Variants in TXLNA observed in about 807,000 individuals in gnomAD.
The protein encoded by TXLNA is alpha-taxilin.
TXLNA carries 9 observed loss-of-function variants against 61.4 expected under a neutral mutation model. The observed-to-expected ratio is 0.15, with a 90% CI of 0.09 to 0.26. The LOEUF is 0.26. Ranked by LOEUF, TXLNA falls within the 10% of genes least tolerant of loss-of-function variation. The pLI is 1.00. For missense variants in TXLNA, 565 were observed against 688.8 expected, an observed-to-expected ratio of 0.82 and a Z score of 2.01; for synonymous variants, 257 against 267.7, an observed-to-expected ratio of 0.96 and a Z score of 0.39.
chr1:32,195,183 C>T lies in TXLNA; in HGVS notation c.1629C>T (p.Ser543=), dbSNP rs759579970. ...AGACTGGGCCTCAAGAGCCCACCTC[C>T]GCCAGGGCCTAGAGAGCCTGGTGTT... The part of the protein sequence containing the change: ...SGQTGPQEPT[S]ARA The change falls in exon 11 of 11, where the codon TCC becomes TCT. Residue 543 remains serine (S), a synonymous_variant. Coordinates refer to ENST00000373610, the MANE Select transcript of TXLNA (RefSeq NM_175852.4). 59 of 1,599,054 alleles carry T rather than the reference C, an allele frequency of 3.7e-5. No individual in the cohort carries two copies. Among genetic ancestry groups the T allele is most frequent in the East Asian group, 8.9e-5 (4 of 44,790 alleles).
At chr1:32,188,747 G>A (rs1642842712) in intron 5 of TXLNA, among the ~76,000 whole-genome samples, 4 of 152,164 alleles carry the variant, frequency 2.6e-5, no homozygotes, top group Admixed American at 2.6e-4. Flanking sequence ...ATTAGATAAG[G>A]TGAAGGATAA....
At chr1:32,183,603 ATTT>A (rs1410923272) in intron 3 of TXLNA, among the ~76,000 whole-genome samples, 1 of 108,610 alleles carries the variant, frequency 9.2e-6, no homozygotes, top group South Asian at 2.9e-4. Context: ...ATTTTTTTGT[ATTT>A]TTTTTAGTAG....
Position 32,192,456 on chromosome 1 carries a change from G to GT in TXLNA, c.1083+27dup, listed in dbSNP as rs1642927963. 112 of 1,529,366 alleles carry GT rather than the reference G, an allele frequency of 7.3e-5. No homozygotes were observed. The highest frequency in any genetic ancestry group is 5.6e-4 in the Admixed American group (29 of 51,826). The allele number at this position is 1,529,366 out of a possible 1,614,324, so 94.7% of individuals were successfully genotyped here. A position where few individuals can be genotyped will look rare whatever the true frequency, so the allele number is the denominator to read the frequency against. On this transcript the variant is annotated intron_variant, in intron 7 of 10. Transcript: ENST00000373610. This position sits in a 1 kb window ranked among gnomAD's most constrained non-coding sequence, Gnocchi z 4.2. ...GTGAGGCTCAGGCCCCAGGGTTGGG[G>GT]TGGGGGTGGGAGGAGACAGGCTGGG...
In TXLNA at chr1:32,184,517, C is replaced by A; in HGVS notation, c.506-8C>A. On this transcript the variant is annotated splice_polypyrimidine_tract_variant and splice_region_variant and intron_variant, in intron 3 of 10. Transcript: ENST00000373610. ...GAGGGTGCATGTCTTTGCTCCTGTG[C>A]TTTTCAGGGAAGGAGATCACGTTGC... 6.2e-7 allele frequency: 1 copy of A among 1,607,090 alleles called. No homozygotes were observed.
rs774428080 is a variant in TXLNA, at chr1:32,192,634, C to T, written c.1084-23C>T. 2 of 1,613,902 alleles carry T rather than the reference C, an allele frequency of 1.2e-6. No individual in the cohort carries two copies. Among genetic ancestry groups the T allele is most frequent in the East Asian group, 4.5e-5 (2 of 44,896 alleles). ...AGCCCCTGGGGGCTTCTGACAGGAT[C>T]TGGGGTTCTGTCTTGGAAATAGCTC... On this transcript the variant is annotated intron_variant, in intron 7 of 10. Transcript: ENST00000373610. The surrounding 1 kb of genome is among the most constrained non-coding windows in gnomAD (Gnocchi z 4.2).
In TXLNA at chr1:32,180,295, ACT is replaced by A; in HGVS notation, c.-32-18_-32-17del. ...GAATTTCGAAGTCTGGAAAATAGCA[ACT>A]GTGTTTGTTTCTAAAGGATCTTCTC... is the stretch of plus-strand genomic sequence containing the variant. On this transcript the variant is annotated splice_polypyrimidine_tract_variant and intron_variant, in intron 1 of 10. Coordinates refer to ENST00000373610, the MANE Select transcript of TXLNA (RefSeq NM_175852.4). The A allele has an allele frequency of 6.5e-7, 1 of 1,542,228 alleles. No individual in the cohort carries two copies. Among genetic ancestry groups the A allele is most frequent in the East Asian group, 2.3e-5 (1 of 43,706 alleles).
rs1355185832 is a variant in TXLNA at position 32,180,429 on chromosome 1, G to A, written c.84G>A (p.Glu28=). The change falls in exon 2 of 11, where the codon GAG becomes GAA. Residue 28 remains glutamate, a synonymous_variant. Transcript: ENST00000373610. ...CAGGACAACCGGAAGCAGGACCCGA[G>A]GGAGCCCAGGAGCGGCCCAGCCAGG... ...SSPGQPEAGP[E]GAQERPSQAA... 1 of 1,613,942 alleles carries A rather than the reference G, an allele frequency of 6.2e-7. No homozygotes were observed. The highest frequency in any genetic ancestry group is 8.5e-7 in the Non-Finnish European group (1 of 1,179,918).
chr1:32,185,740 C>T (rs1642775573), intron 4 of TXLNA, among the ~76,000 whole-genome samples: 1 of 149,840 alleles, frequency 6.7e-6, no homozygotes, highest in Non-Finnish European at 1.5e-5. Flanking sequence ...CGCTCTGTCA[C>T]CAGGCTGGAG....
At chr1:32,191,000 A>G (rs1642893682) in intron 6 of TXLNA, among the ~76,000 whole-genome samples, 1 of 151,370 alleles carries the variant, frequency 6.6e-6, no homozygotes. Flanking sequence ...AGGCTGAGGC[A>G]GGAGAATTGC....
chr1:32,192,769 C>T lies in TXLNA; in HGVS notation c.1158+38C>T. 9 of 1,606,024 alleles carry T rather than the reference C, an allele frequency of 5.6e-6. No individual in the cohort carries two copies. The highest frequency in any genetic ancestry group is 7.7e-6 in the Non-Finnish European group (9 of 1,172,706). On this transcript the variant is annotated intron_variant, in intron 8 of 10. Coordinates refer to ENST00000373610, the MANE Select transcript of TXLNA (RefSeq NM_175852.4). The surrounding 1 kb of genome is among the most constrained non-coding windows in gnomAD (Gnocchi z 4.2). ...AACCTGACCCTGTGCCTTCAAGTTT[C>T]CCTCACTGGGCCCCATCCTGGGGGT...
At position 32,192,020 on chromosome 1, in the gene TXLNA, A is replaced by G. The variant is rs999977910; in HGVS notation, c.964-291A>G. Among the ~76,000 whole-genome samples, 1 of 152,270 alleles carries G rather than the reference A, an allele frequency of 6.6e-6. No homozygotes were observed. Among genetic ancestry groups the G allele is most frequent in the Non-Finnish European group, 1.5e-5 (1 of 68,050 alleles). On this transcript the variant is annotated intron_variant, in intron 6 of 10. Coordinates refer to ENST00000373610, the MANE Select transcript of TXLNA (RefSeq NM_175852.4). This position sits in a 1 kb window ranked among gnomAD's most constrained non-coding sequence, Gnocchi z 4.2. ...GTGAGGGCTTCCAGCCCCATAGGTG[A>G]TCAATCCTGGGGTCAGAGATTTGAG...
At position 32,183,507 on chromosome 1, in the gene TXLNA, A is replaced by G. The variant is rs1383958638; in HGVS notation, c.506-1018A>G. On this transcript the variant is annotated intron_variant, in intron 3 of 10. Coordinates refer to ENST00000373610, the MANE Select transcript of TXLNA (RefSeq NM_175852.4). ...AGTGGCGCGATCTCGGCTCACTGCA[A>G]GCTCCACCTCCTGGGTTCACGCCAT... 2.3e-5 allele frequency among the ~76,000 whole-genome samples: 3 copies of G among 132,938 alleles called. No homozygotes were observed. In the South Asian group the frequency reaches 7.2e-4, roughly 32 times the overall value. 87.2% of individuals were successfully genotyped at this position (132,938 alleles called of 152,430 possible). A position where few individuals can be genotyped will look rare whatever the true frequency, so the allele number is the denominator to read the frequency against.
At position 32,187,187 on chromosome 1, in the gene TXLNA, C is replaced by T. The variant is rs563826970; in HGVS notation, c.598-767C>T. Among the ~76,000 whole-genome samples the T allele has an allele frequency of 8.3e-4, 127 of 152,326 alleles. 2 individuals carry two copies. In the South Asian group the frequency reaches 0.026, roughly 31 times the overall value. ...AAAGTGCTGGGATTACAGGCATGAG[C>T]CACCACTCCCGGCCTCACTTTTTTA... On this transcript the variant is annotated intron_variant, in intron 4 of 10. Transcript: ENST00000373610.
At chr1:32,194,816 C>T in intron 10 of TXLNA, 86 bp from the exon 11 acceptor site, 1 of 1,482,250 alleles carries the variant, frequency 6.7e-7, no homozygotes, top group African/African-American at 1.4e-5. Context: ...CTGCTCTCAG[C>T]CTTGTTAAAG....
Position 32,192,716 on chromosome 1 carries a change from C to T in TXLNA, c.1143C>T (p.Thr381=). The T allele has an allele frequency of 6.2e-7, 1 of 1,614,158 alleles. No individual in the cohort carries two copies. ...RMCELMKQQE[T]HLKQQLALYT... ...GTGAGCTGATGAAGCAGCAAGAGAC[C>T]CACCTGAAGCAACAGGTGAGAGCAT... Residue 381 remains threonine, a synonymous_variant, in exon 8 of 11, where the codon ACC becomes ACT. Coordinates refer to ENST00000373610, the MANE Select transcript of TXLNA (RefSeq NM_175852.4). The surrounding 1 kb of genome is among the most constrained non-coding windows in gnomAD (Gnocchi z 4.2).
chr1:32,184,431 G>A, intron 3 of TXLNA, 94 bp from the exon 4 acceptor site: 1 of 786,410 alleles, frequency 1.3e-6, no homozygotes, highest in South Asian at 1.6e-5. Context: ...AAGTATGATG[G>A]GGAGGGCTGT....
Position 32,192,741 on chromosome 1 carries a change from T to C in TXLNA, c.1158+10T>C, listed in dbSNP as rs367711974. 2.5e-6 allele frequency: 4 copies of C among 1,613,956 alleles called. No homozygotes were observed. In the African/African-American group the frequency reaches 4.0e-5, roughly 16 times the overall value. On this transcript the variant is annotated intron_variant, in intron 8 of 10. Transcript: ENST00000373610. The surrounding 1 kb of genome is among the most constrained non-coding windows in gnomAD (Gnocchi z 4.2). ...CCACCTGAAGCAACAGGTGAGAGCATATAACCTGACCCTGTGCCTTCAAGT... is the reference window on the plus strand; with the variant it reads ...CCACCTGAAGCAACAGGTGAGAGCACATAACCTGACCCTGTGCCTTCAAGT...
intron 9 of TXLNA, among the ~76,000 whole-genome samples, chr1:32,193,747 G>T (rs558904649): frequency 6.6e-6 from 1 of 151,760 alleles, no homozygotes; most frequent in Non-Finnish European, 1.5e-5. Flanking sequence ...AGTAGAGACG[G>T]GGTTTCACCA....
At chr1:32,182,955 T>C (rs921505803) in intron 3 of TXLNA, among the ~76,000 whole-genome samples, 21 of 150,914 alleles carry the variant, frequency 1.4e-4, no homozygotes, top group African/African-American at 5.1e-4. Flanking sequence ...TAATCCCAGA[T>C]ACTCGGGAGG....
Sources: gnomAD v4.1 joint callset for allele counts (sites outside exome capture counted in the v4.1 genomes callset) on GRCh38, gnomAD v4.1.1 for gene constraint, Gnocchi (gnomAD v3.1) non-coding constraint, MANE v1.5 for transcripts, NCBI Gene and HGNC (gene_info 2026-07-23, HGNC 2026-07-21) for gene names.